The following COG6 variants were observed in gnomAD, a reference collection of about 807,000 sequenced individuals.
The protein encoded by COG6 is component of oligomeric golgi complex 6.
Under a neutral mutation model 88.8 loss-of-function variants are expected in COG6, and 74 were observed. That is an observed-to-expected ratio of 0.83 (90% confidence interval 0.69 to 1.01). The LOEUF is 1.01. COG6 is among the 50% of genes least tolerant of loss of function. The pLI is 0.00. For missense variants in COG6, 800 were observed against 797.9 expected (o/e 1.00, Z -0.03); for synonymous variants, 286 against 278.7 (o/e 1.03, Z -0.26).
intron 18 of COG6, among the ~76,000 whole-genome samples, chr13:39,783,287 A>G (rs1208137342): frequency 6.6e-6 from 1 of 152,188 alleles, no homozygotes; most frequent in Non-Finnish European, 1.5e-5. Context: ...TACTTTTTAA[A>G]TGGAAATAAA....
intron 12 of COG6, among the ~76,000 whole-genome samples, 155 bp downstream of exon 12, chr13:39,694,880 T>C (rs1877179310): frequency 6.6e-6 from 1 of 151,568 alleles, no homozygotes; most frequent in Admixed American, 6.6e-5. Flanking sequence ...TGTAAATCAT[T>C]ATATGCATAT....
chr13:39,661,045 A>G (rs926686091), intron 3 of COG6, among the ~76,000 whole-genome samples, 164 bp downstream of exon 3: 15 of 152,150 alleles, frequency 9.9e-5, no homozygotes, highest in Admixed American at 6.5e-5. Context: ...GTTTCTTTGG[A>G]TAATGATTTA....
chr13:39,706,235 TTATATA>T (rs372468879), intron 13 of COG6, among the ~76,000 whole-genome samples: 1 of 106,452 alleles, frequency 9.4e-6, no homozygotes, highest in Admixed American at 9.0e-5. Flanking sequence ...ATATACTCCT[TTATATA>T]TATATATACT....
At chr13:39,745,385 A>C (rs970660048) in intron 18 of COG6, among the ~76,000 whole-genome samples, 1 of 152,210 alleles carries the variant, frequency 6.6e-6, no homozygotes, top group Non-Finnish European at 1.5e-5. Context: ...GAACTTAAAC[A>C]AATTTACAAG....
At chr13:39,703,726 T>A (rs1877718705) in intron 13 of COG6, among the ~76,000 whole-genome samples, 1 of 152,004 alleles carries the variant, frequency 6.6e-6, no homozygotes, top group South Asian at 2.1e-4. Flanking sequence ...TTAGATGTAT[T>A]TTCTTAGGTG....
At position 39,731,783 on chromosome 13, in the gene COG6, A is replaced by G. The variant is rs531095962; in HGVS notation, c.1826+4235A>G. Among the ~76,000 whole-genome samples, 71 of 152,186 alleles carry G rather than the reference A, an allele frequency of 4.7e-4. 1 individual carries two copies. The highest frequency in any genetic ancestry group is 2.2e-3 in the Admixed American group (34 of 15,282). On this transcript the variant is annotated intron_variant, in intron 18 of 18. Coordinates refer to ENST00000455146, the MANE Select transcript of COG6 (RefSeq NM_020751.3). Reference sequence around the variant, plus strand: ...CTACCTTCTTTTATTCACTTGTACTATCAGGAATATCCATATAGACAAAAA... The same window carrying G: ...CTACCTTCTTTTATTCACTTGTACTGTCAGGAATATCCATATAGACAAAAA...
intron 18 of COG6, among the ~76,000 whole-genome samples, chr13:39,785,864 A>G (rs1881758128): frequency 6.6e-6 from 1 of 152,168 alleles, no homozygotes; most frequent in Non-Finnish European, 1.5e-5. Context: ...AGGGGTTAAG[A>G]GTACTTGGAG....
intron 18 of COG6, among the ~76,000 whole-genome samples, chr13:39,734,625 A>G (rs183464713): frequency 6.6e-6 from 1 of 152,142 alleles, no homozygotes; most frequent in Non-Finnish European, 1.5e-5. Context: ...TTTGGTCTGT[A>G]GTGCAGATTA....
intron 12 of COG6, among the ~76,000 whole-genome samples, chr13:39,697,614 TTG>T (rs1877348267): frequency 6.6e-6 from 1 of 151,954 alleles, no homozygotes. Flanking sequence ...CAACATTGCA[TTG>T]TCTCACCATG....
intron 18 of COG6, among the ~76,000 whole-genome samples, chr13:39,728,371 G>A (rs1339200375): frequency 1.3e-5 from 2 of 152,050 alleles, no homozygotes; most frequent in African/African-American, 4.8e-5. Context: ...TTCTGTTCTT[G>A]AGTATAGAAC....
At chr13:39,763,585 T>G (rs1272025641) in intron 18 of COG6, among the ~76,000 whole-genome samples, 1 of 151,772 alleles carries the variant, frequency 6.6e-6, no homozygotes, top group East Asian at 1.9e-4. Flanking sequence ...TATTTAGAGA[T>G]CAATACAGAA....
chr13:39,701,111 C>G (rs1385857358), intron 13 of COG6, among the ~76,000 whole-genome samples: 1 of 151,738 alleles, frequency 6.6e-6, no homozygotes, highest in Non-Finnish European at 1.5e-5. Flanking sequence ...CATACATGAT[C>G]TAAGGGAAAG....
intron 12 of COG6, among the ~76,000 whole-genome samples, chr13:39,698,067 G>A (rs1877373882): frequency 6.6e-6 from 1 of 151,794 alleles, no homozygotes; most frequent in Non-Finnish European, 1.5e-5. Flanking sequence ...TGAAATGTCA[G>A]AAGAAACATC....
At chr13:39,750,656 A>T (rs532792312) in intron 18 of COG6, among the ~76,000 whole-genome samples, 2 of 152,214 alleles carry the variant, frequency 1.3e-5, no homozygotes, top group Non-Finnish European at 2.9e-5. Context: ...GCAGTCCTGT[A>T]TATCAGGCAC....
chr13:39,758,218 CAAAAAAA>C (rs34210362), intron 18 of COG6, among the ~76,000 whole-genome samples: 21 of 55,794 alleles, frequency 3.8e-4, no homozygotes, highest in Admixed American at 3.4e-3. Context: ...GATGCCTTCT[CAAAAAAA>C]AAAAAAAAAA....
rs570950412 is a variant in COG6 at position 39,751,074 on chromosome 13, T to G, written c.1955T>G (p.Val652Gly). The part of the protein sequence containing the change: ...ENILHRSPQQ[V>G]QTLLS ...ATTCTTCACCGATCGCCGCAGCAAGTGCAGACGCTTCTTTCCTGATTATCT... is the reference window on the plus strand; with the variant it reads ...ATTCTTCACCGATCGCCGCAGCAAGGGCAGACGCTTCTTTCCTGATTATCT... Residue 652 changes from valine (V) to glycine (G), a missense_variant, in exon 19 of 19, where the codon GTG (valine) becomes GGG (glycine). By Grantham distance (109) the Val-to-Gly change is moderately radical. Transcript: ENST00000455146. 1.2e-6 allele frequency: 2 copies of G among 1,613,690 alleles called. No homozygotes were observed. The highest frequency in any genetic ancestry group is 2.2e-5 in the East Asian group (1 of 44,810).
chr13:39,751,958 A>G lies in COG6; in HGVS notation c.*865A>G, dbSNP rs1419584680. On this transcript the variant is annotated 3_prime_UTR_variant, in exon 19 of 19. Coordinates refer to ENST00000455146, the MANE Select transcript of COG6 (RefSeq NM_020751.3). Reference sequence around the variant, plus strand: ...CACATTTTATCTGGTGTTCAAACCAAAGAAACAATGATCTACTCAAACATT... The same window carrying G: ...CACATTTTATCTGGTGTTCAAACCAGAGAAACAATGATCTACTCAAACATT... The G allele has an allele frequency of 3.3e-6, 4 of 1,224,498 alleles. No homozygotes were observed. The Admixed American group carries it at 6.9e-5, about 21-fold the overall frequency. 75.9% of individuals were successfully genotyped at this position (1,224,498 alleles called of 1,614,324 possible).
At chr13:39,747,246 G>A (rs1593470511) in intron 18 of COG6, among the ~76,000 whole-genome samples, 10 of 152,132 alleles carry the variant, frequency 6.6e-5, no homozygotes, top group Non-Finnish European at 2.9e-5. Context: ...TGTTGCTTTG[G>A]TAGTGATAAA....
rs1879032709 is a variant in COG6 at position 39,724,567 on chromosome 13, T to C, written c.1746+6T>C. The C allele has an allele frequency of 1.3e-6, 2 of 1,586,864 alleles. No homozygotes were observed. Among genetic ancestry groups the C allele is most frequent in the African/African-American group, 1.4e-5 (1 of 74,048 alleles). On this transcript the variant is annotated splice_donor_region_variant and intron_variant, in intron 17 of 18. Coordinates refer to ENST00000455146, the MANE Select transcript of COG6 (RefSeq NM_020751.3). ...TGACACTGAAGGCTGCAATGGTAAG[T>C]GTATAATAAAACATTTTAATTTAGA...
Sources: allele counts gnomAD v4.1 joint callset (sites outside exome capture counted in the v4.1 genomes callset), GRCh38; gene constraint gnomAD v4.1.1; transcripts MANE v1.5; gene names NCBI Gene and HGNC (gene_info 2026-07-23, HGNC 2026-07-21).